LRBA: variants seen among roughly 807,000 people sequenced by gnomAD.
The protein encoded by LRBA is lipopolysaccharide-responsive and beige-like anchor protein.
A neutral mutation model predicts 330.0 loss-of-function variants in LRBA; 176 were observed. The ratio of observed to expected loss-of-function variants is 0.53; its 90% CI spans 0.47 to 0.60. The LOEUF (loss-of-function observed/expected upper bound fraction) is 0.60. LRBA is among the 20% of genes least tolerant of loss of function. The probability of loss-of-function intolerance (pLI) is 0.00; values close to 1 mark genes in which losing one functional copy is unlikely to be tolerated. For missense variants in LRBA, 3,259 were observed against 3,444.8 expected (o/e 0.95, Z 1.35); for synonymous variants, 1,230 against 1,193.0 (o/e 1.03, Z -0.64).
chr4:150,671,716 A>G (rs1457548905), intron 37 of LRBA, among the ~76,000 whole-genome samples: 1 of 152,204 alleles, frequency 6.6e-6, no homozygotes, highest in African/African-American at 2.4e-5. Flanking sequence ...CATAAAAAGG[A>G]CTTCTGTGCT....
chr4:150,604,048 A>C (rs1774378959), intron 37 of LRBA, among the ~76,000 whole-genome samples: 1 of 152,082 alleles, frequency 6.6e-6, no homozygotes, highest in Admixed American at 6.6e-5. Flanking sequence ...TACGATTCAC[A>C]TTTTTCCTCT....
At chr4:150,763,391 T>C (rs1735358172) in intron 34 of LRBA, among the ~76,000 whole-genome samples, 1 of 152,022 alleles carries the variant, frequency 6.6e-6, no homozygotes, top group Non-Finnish European at 1.5e-5. Context: ...GACTTGTAAT[T>C]GTACAATATA....
intron 34 of LRBA, among the ~76,000 whole-genome samples, chr4:150,796,337 C>T (rs1328509751): frequency 6.6e-6 from 1 of 151,928 alleles, no homozygotes. Context: ...GTAATTATCA[C>T]CCCAGAACAA....
chr4:150,681,660 TAC>T (rs1402849899), intron 37 of LRBA, among the ~76,000 whole-genome samples: 1 of 152,200 alleles, frequency 6.6e-6, no homozygotes, highest in Non-Finnish European at 1.5e-5. Context: ...TTTGTGATGG[TAC>T]ATCCTTTCTT....
chr4:150,767,483 A>G (rs1402197510), intron 34 of LRBA, among the ~76,000 whole-genome samples: 1 of 152,116 alleles, frequency 6.6e-6, no homozygotes. Flanking sequence ...AACTTTTAGT[A>G]TTAAAAAATT....
intron 22 of LRBA, among the ~76,000 whole-genome samples, chr4:150,859,669 A>G (rs977971345): frequency 6.6e-6 from 1 of 152,236 alleles, no homozygotes; most frequent in African/African-American, 2.4e-5. Context: ...TCCCTGCTAC[A>G]AAGGTGGCAG....
chr4:150,559,543 A>G (rs1767786961), intron 40 of LRBA, among the ~76,000 whole-genome samples: 1 of 129,268 alleles, frequency 7.7e-6, no homozygotes, highest in Non-Finnish European at 1.6e-5. Flanking sequence ...CATTATATAT[A>G]AGATAAATAT....
chr4:150,739,468 T>C (rs1322751497), intron 35 of LRBA, among the ~76,000 whole-genome samples: 1 of 152,144 alleles, frequency 6.6e-6, no homozygotes, highest in Non-Finnish European at 1.5e-5. Flanking sequence ...AATAACAGGA[T>C]ACAGATCACT....
At chr4:150,545,638 T>C (rs1267617208) in intron 40 of LRBA, among the ~76,000 whole-genome samples, 1 of 152,162 alleles carries the variant, frequency 6.6e-6, no homozygotes. Context: ...AAAATAGGTT[T>C]ATATGTACTG....
At chr4:150,350,406 C>T (rs1033620581) in intron 47 of LRBA, among the ~76,000 whole-genome samples, 3 of 152,152 alleles carry the variant, frequency 2.0e-5, no homozygotes, top group South Asian at 2.1e-4. Flanking sequence ...CCGGTCTCTA[C>T]TAAAAATACA....
At chr4:150,379,200 G>A (rs766734580) in intron 47 of LRBA, among the ~76,000 whole-genome samples, 8 of 150,966 alleles carry the variant, frequency 5.3e-5, no homozygotes, top group Non-Finnish European at 1.0e-4. Context: ...CTACTTGGGA[G>A]GCTGAGGCCA....
rs1332312906 is a variant in LRBA at position 150,613,197 on chromosome 4, A to G, written c.5922-14066T>C. On this transcript the variant is annotated intron_variant, in intron 37 of 56. Transcript: ENST00000651943. ...CTGAATACCAACAATGAGTAAAGAC[A>G]GGAGATTCGGTCATTTGGTGATAGA... Among the ~76,000 whole-genome samples the G allele has an allele frequency of 3.3e-5, 5 of 152,352 alleles. No homozygotes were observed. The East Asian group carries it at 7.7e-4, about 24-fold the overall frequency.
chr4:150,399,662 T>C (rs1054478430), intron 47 of LRBA, among the ~76,000 whole-genome samples: 1 of 152,096 alleles, frequency 6.6e-6, no homozygotes, highest in African/African-American at 2.4e-5. Flanking sequence ...TGAGGGAATG[T>C]TGAAGAGTGG....
At chr4:151,001,750 A>C (rs1367231835) in intron 2 of LRBA, among the ~76,000 whole-genome samples, 1 of 152,082 alleles carries the variant, frequency 6.6e-6, no homozygotes, top group Non-Finnish European at 1.5e-5. Context: ...TATCACTGCC[A>C]CTACCAGAAT....
intron 40 of LRBA, among the ~76,000 whole-genome samples, chr4:150,559,566 A>G (rs2152266186): frequency 8.3e-6 from 1 of 120,794 alleles, no homozygotes; most frequent in South Asian, 2.2e-4. Flanking sequence ...ATATTTATAT[A>G]AATATATAAA....
At chr4:150,808,263 G>T in intron 32 of LRBA, 57 bp downstream of exon 32, 2 of 1,101,348 alleles carry the variant, frequency 1.8e-6, no homozygotes, top group Non-Finnish European at 2.7e-6. Flanking sequence ...AACCTAGATA[G>T]CTTAAAAAGT....
chr4:150,365,791 CA>C (rs58972028), intron 47 of LRBA, among the ~76,000 whole-genome samples: 52,719 of 91,940 alleles, frequency 0.57, 11,179 homozygotes, highest in Admixed American at 0.61. Context: ...AACTCTGTCT[CA>C]AAAAAAAAAA....
chr4:150,749,641 G>A (rs1234549722), intron 35 of LRBA, among the ~76,000 whole-genome samples: 1 of 151,986 alleles, frequency 6.6e-6, no homozygotes, highest in Admixed American at 6.6e-5. Context: ...ATGTGCCTGT[G>A]GTCCCAGCTA....
At chr4:150,658,987 G>A (rs1173776924) in intron 37 of LRBA, among the ~76,000 whole-genome samples, 41 of 92,706 alleles carry the variant, frequency 4.4e-4, no homozygotes, top group Non-Finnish European at 5.9e-4. Context: ...CCGAGGTGCC[G>A]GGATTGCAGA....
Sources: gnomAD v4.1 joint callset for allele counts (sites outside exome capture counted in the v4.1 genomes callset) on GRCh38, gnomAD v4.1.1 for gene constraint, MANE v1.5 for transcripts, NCBI Gene and HGNC (gene_info 2026-07-23, HGNC 2026-07-21) for gene names.